Variants in TSHR observed in about 807,000 individuals in gnomAD.
The protein encoded by TSHR is thyroid stimulating hormone receptor.
Under a neutral mutation model 64.1 loss-of-function variants are expected in TSHR, and 51 were observed. The observed-to-expected ratio is 0.80, with a 90% CI of 0.64 to 1.01. The LOEUF is 1.01. TSHR is among the 50% of genes least tolerant of loss of function. TSHR has a pLI of 0.00. For missense variants in TSHR, 877 were observed against 942.8 expected (o/e 0.93, Z 0.91); for synonymous variants, 361 against 361.9 (o/e 1.00, Z 0.03).
intron 2 of TSHR, among the ~76,000 whole-genome samples, chr14:81,064,924 A>G (rs992581057): frequency 4.6e-5 from 7 of 152,150 alleles, no homozygotes; most frequent in Non-Finnish European, 7.4e-5. Flanking sequence ...CTAGAGGAAG[A>G]TGGTCACTTT....
chr14:81,001,781 G>A (rs567518097), intron 1 of TSHR: 292 of 338,530 alleles, frequency 8.6e-4, no homozygotes, highest in African/African-American at 5.8e-3. Context: ...TTTCTGGGTC[G>A]AGTGAACAGA....
intron 1 of TSHR, chr14:80,993,056 C>T (rs575395457): frequency 6.6e-6 from 1 of 152,234 alleles, no homozygotes; most frequent in South Asian, 2.1e-4. Context: ...GTTAAAAGAG[C>T]TCAAGTAGGG....
intron 1 of TSHR, among the ~76,000 whole-genome samples, chr14:80,978,833 C>A (rs754938391): frequency 1.3e-5 from 2 of 152,200 alleles, no homozygotes; most frequent in Non-Finnish European, 2.9e-5. Context: ...CTTTCTTCCT[C>A]TACCTATCAT....
At chr14:80,968,352 G>A (rs775190661) in intron 1 of TSHR, among the ~76,000 whole-genome samples, 2 of 151,670 alleles carry the variant, frequency 1.3e-5, no homozygotes, top group South Asian at 2.1e-4. Flanking sequence ...TAGGGCCTCC[G>A]ATTTTGTAAG....
At chr14:81,101,591 A>G (rs1050295340) in intron 7 of TSHR, among the ~76,000 whole-genome samples, 29 of 152,204 alleles carry the variant, frequency 1.9e-4, no homozygotes, top group East Asian at 3.9e-4. Context: ...TATTTGCCCA[A>G]TTATTCCAGT....
intron 2 of TSHR, 93 bp from the exon 3 acceptor site, chr14:81,068,161 A>C: frequency 1.8e-6 from 2 of 1,138,416 alleles, no homozygotes; most frequent in Non-Finnish European, 1.3e-6. Context: ...TGATCTGGGA[A>C]GCGCATAACA....
rs372086706 is a variant in TSHR at position 81,102,055 on chromosome 14, C to G, written c.614+5348C>G. 1.4e-4 allele frequency among the ~76,000 whole-genome samples: 21 copies of G among 151,922 alleles called. 1 individual carries two copies. In the East Asian group the frequency reaches 3.9e-3, roughly 28 times the overall value. On this transcript the variant is annotated intron_variant, in intron 7 of 9. Coordinates refer to ENST00000298171, the MANE Select transcript of TSHR (RefSeq NM_000369.5). ...GGCGTGGTGGCGGGCGCCTGTAGTC[C>G]CAGCTACTCGGGAGGCTGAGGCAGG...
chr14:81,021,357 C>G (rs1883740313), intron 1 of TSHR, among the ~76,000 whole-genome samples: 1 of 152,138 alleles, frequency 6.6e-6, no homozygotes. Context: ...AAAAGCTCAT[C>G]CCACCATCTT....
intron 1 of TSHR, among the ~76,000 whole-genome samples, chr14:81,044,408 C>T (rs1253319846): frequency 2.0e-5 from 3 of 152,160 alleles, no homozygotes; most frequent in African/African-American, 7.2e-5. Flanking sequence ...CCTGTAATCC[C>T]AAAACTTTGG....
At chr14:81,136,559 C>T (rs370496100) in intron 8 of TSHR, among the ~76,000 whole-genome samples, 15 of 152,136 alleles carry the variant, frequency 9.9e-5, no homozygotes, top group East Asian at 7.7e-4. Context: ...AAGTTGGAGA[C>T]GCCTGTGAGG....
At chr14:80,995,745 G>A (rs939986575) in intron 1 of TSHR, 2 of 151,736 alleles carry the variant, frequency 1.3e-5, no homozygotes, top group African/African-American at 2.4e-5. Flanking sequence ...TCATACCTGG[G>A]TGATGAAATA....
chr14:81,008,509 C>T (rs1363730528), intron 1 of TSHR, among the ~76,000 whole-genome samples: 1 of 152,138 alleles, frequency 6.6e-6, no homozygotes, highest in East Asian at 1.9e-4. Context: ...GTAAAATTTA[C>T]TAGAGATTTT....
chr14:81,057,652 T>A (rs1190661905), intron 1 of TSHR, among the ~76,000 whole-genome samples: 2 of 152,144 alleles, frequency 1.3e-5, no homozygotes, highest in African/African-American at 4.8e-5. Context: ...ACTGGCTGAT[T>A]GATTGACACA....
chr14:81,018,952 G>T (rs1037973782), intron 1 of TSHR, among the ~76,000 whole-genome samples: 1 of 152,130 alleles, frequency 6.6e-6, no homozygotes, highest in Non-Finnish European at 1.5e-5. Context: ...GAAGACAAAG[G>T]TCAGGACCCT....
Position 81,144,550 on chromosome 14 carries a change from G to T in TSHR, c.*197G>T. 2 of 624,830 alleles carry T rather than the reference G, an allele frequency of 3.2e-6. No homozygotes were observed. Among genetic ancestry groups the T allele is most frequent in the Non-Finnish European group, 5.5e-6 (2 of 360,558 alleles). The allele number at this position is 624,830 out of a possible 1,614,324, so 38.7% of individuals were successfully genotyped here. A position where few individuals can be genotyped will look rare whatever the true frequency, so the allele number is the denominator to read the frequency against. ...CCTAATCATTGCCCCCAAGAAGGAA[G>T]TTAGGCTACCAGCATATTTGAATGC... On this transcript the variant is annotated 3_prime_UTR_variant, in exon 10 of 10. Coordinates refer to ENST00000298171, the MANE Select transcript of TSHR (RefSeq NM_000369.5).
At chr14:81,006,079 T>C (rs1174462386) in intron 1 of TSHR, among the ~76,000 whole-genome samples, 5 of 152,200 alleles carry the variant, frequency 3.3e-5, no homozygotes, top group African/African-American at 9.7e-5. Context: ...TATCTTACCT[T>C]GCTTAACCTC....
chr14:80,955,673 C>G lies in TSHR; in HGVS notation c.-8C>G, dbSNP rs2139668983. The G allele has an allele frequency of 6.2e-7, 1 of 1,613,804 alleles. No individual in the cohort carries two copies. Among genetic ancestry groups the G allele is most frequent in the African/African-American group, 1.3e-5 (1 of 75,034 alleles). On this transcript the variant is annotated 5_prime_UTR_variant, in exon 1 of 10. Transcript: ENST00000298171. ...AGGATGGAGAAATAGCCCCGAGTCC[C>G]GTGGAAAATGAGGCCGGCGGACTTG... is the stretch of plus-strand genomic sequence containing the variant.
intron 5 of TSHR, among the ~76,000 whole-genome samples, chr14:81,092,186 A>T (rs1256169388): frequency 6.6e-6 from 1 of 152,192 alleles, no homozygotes; most frequent in African/African-American, 2.4e-5. Context: ...AGGTCCATGC[A>T]TGTAGAAAAC....
At chr14:80,956,690 A>C (rs1566735929) in intron 1 of TSHR, among the ~76,000 whole-genome samples, 1 of 152,230 alleles carries the variant, frequency 6.6e-6, no homozygotes, top group Non-Finnish European at 1.5e-5. Context: ...GATAAAAAAA[A>C]ATGCAGGTTA....
Sources: gnomAD v4.1 joint callset for allele counts (sites outside exome capture counted in the v4.1 genomes callset) on GRCh38, gnomAD v4.1.1 for gene constraint, MANE v1.5 for transcripts, NCBI Gene and HGNC (gene_info 2026-07-23, HGNC 2026-07-21) for gene names.